LMBRD1: variants seen among roughly 807,000 people sequenced by gnomAD.
LMBRD1 encodes the protein LMBR1 domain containing 1.
LMBRD1 carries 64 observed loss-of-function variants against 74.8 expected under a neutral mutation model. The observed-to-expected ratio is 0.86, with a 90% CI of 0.70 to 1.05. LMBRD1 has a LOEUF of 1.05. Ranked by LOEUF, LMBRD1 falls within the 50% of genes least tolerant of loss-of-function variation. The pLI is 0.00. For synonymous variants in LMBRD1, 204 were observed against 216.3 expected (o/e 0.94, Z 0.50); for missense variants, 652 against 645.9 (o/e 1.01, Z -0.10).
rs1471057525 is a variant in LMBRD1 at position 69,780,366 on chromosome 6, C to T, written c.307+128G>A. The T allele has an allele frequency of 4.6e-5, 33 of 721,732 alleles. 1 individual carries two copies. The highest frequency in any genetic ancestry group is 1.9e-5 in the Admixed American group (1 of 51,832). 44.7% of individuals were successfully genotyped at this position (721,732 alleles called of 1,614,324 possible). A position where few individuals can be genotyped will look rare whatever the true frequency, so the allele number is the denominator to read the frequency against. On this transcript the variant is annotated intron_variant, in intron 3 of 15. Transcript: ENST00000649934. ...AACTCCCTGCTCCTTAAAACTACTCCATGTGTGTCCATGTCATTTTTTTCT... is the reference window on the plus strand; with the variant it reads ...AACTCCCTGCTCCTTAAAACTACTCTATGTGTGTCCATGTCATTTTTTTCT...
At chr6:69,678,098 C>T (rs922496093) in intron 14 of LMBRD1, among the ~76,000 whole-genome samples, 1 of 152,044 alleles carries the variant, frequency 6.6e-6, no homozygotes, top group Non-Finnish European at 1.5e-5. Context: ...ACTAAATAGC[C>T]TGGTGTTTTC....
At chr6:69,713,561 T>A in intron 9 of LMBRD1, 84 bp downstream of exon 9, 1 of 1,411,916 alleles carries the variant, frequency 7.1e-7, no homozygotes, top group Non-Finnish European at 9.9e-7. Flanking sequence ...CTGTAATGCC[T>A]CAAAAGGAGA....
intron 14 of LMBRD1, among the ~76,000 whole-genome samples, chr6:69,679,838 T>C (rs1168574711): frequency 6.6e-6 from 1 of 152,102 alleles, no homozygotes; most frequent in South Asian, 2.1e-4. Context: ...AAAGATCATA[T>C]GACATATACA....
intron 8 of LMBRD1, among the ~76,000 whole-genome samples, chr6:69,715,927 A>C (rs1341385828): frequency 6.6e-6 from 1 of 152,060 alleles, no homozygotes; most frequent in Non-Finnish European, 1.5e-5. Context: ...AGCTCCCTCC[A>C]TGTCCCTGCA....
rs1161260536 is a variant in LMBRD1 at position 69,705,816 on chromosome 6, ATGT to A, written c.916-3866_916-3864del. 1.3e-5 allele frequency: 16 copies of A among 1,226,406 alleles called. No individual in the cohort carries two copies. In the East Asian group the frequency reaches 3.3e-4, roughly 25 times the overall value. The allele number at this position is 1,226,406 out of a possible 1,614,324, so 76.0% of individuals were successfully genotyped here. A position where few individuals can be genotyped will look rare whatever the true frequency, so the allele number is the denominator to read the frequency against. ...CTGCATCTTCCTCCACTGCTACTAA[ATGT>A]TGTTCACTAATATGCACTGGCCCTG... is the stretch of plus-strand genomic sequence containing the variant. On this transcript the variant is annotated intron_variant, in intron 9 of 15. Transcript: ENST00000649934.
chr6:69,783,864 A>C (rs895613898), intron 2 of LMBRD1, among the ~76,000 whole-genome samples: 1 of 152,200 alleles, frequency 6.6e-6, no homozygotes, highest in African/African-American at 2.4e-5. Context: ...AATCTCAAAA[A>C]AAAATATTAA....
At chr6:69,723,340 C>T (rs908437594) in intron 7 of LMBRD1, among the ~76,000 whole-genome samples, 1 of 152,140 alleles carries the variant, frequency 6.6e-6, no homozygotes, top group Non-Finnish European at 1.5e-5. Flanking sequence ...ATTTAAAGAA[C>T]ATTTCATCCA....
At chr6:69,762,655 A>G (rs1402944584) in intron 3 of LMBRD1, among the ~76,000 whole-genome samples, 2 of 152,100 alleles carry the variant, frequency 1.3e-5, no homozygotes, top group African/African-American at 4.8e-5. Flanking sequence ...CCTAACTCCC[A>G]ATGTGATAGT....
At chr6:69,716,660 T>C (rs1582081406) in intron 8 of LMBRD1, among the ~76,000 whole-genome samples, 1 of 152,072 alleles carries the variant, frequency 6.6e-6, no homozygotes, top group Non-Finnish European at 1.5e-5. Context: ...TATAAATATA[T>C]CTCATTCCTT....
intron 1 of LMBRD1, among the ~76,000 whole-genome samples, chr6:69,791,795 A>T (rs1342350994): frequency 6.6e-6 from 1 of 152,162 alleles, no homozygotes; most frequent in Non-Finnish European, 1.5e-5. Context: ...AGCCCTTGAG[A>T]CAGGAATAAT....
intron 7 of LMBRD1, among the ~76,000 whole-genome samples, chr6:69,726,664 G>A (rs987327724): frequency 2.0e-5 from 3 of 151,826 alleles, no homozygotes; most frequent in African/African-American, 7.3e-5. Context: ...TTATTTGTAG[G>A]ATCTAAAAAT....
intron 2 of LMBRD1, among the ~76,000 whole-genome samples, chr6:69,788,446 T>C (rs1766006212): frequency 1.3e-5 from 2 of 152,162 alleles, no homozygotes; most frequent in South Asian, 2.1e-4. Flanking sequence ...AAAAAGAATA[T>C]CCAGAAATTC....
intron 4 of LMBRD1, among the ~76,000 whole-genome samples, chr6:69,749,930 A>T (rs1167485400): frequency 1.1e-4 from 9 of 84,070 alleles, no homozygotes; most frequent in African/African-American, 3.7e-4. Flanking sequence ...ACACATATAC[A>T]TACTCATATA....
intron 13 of LMBRD1, among the ~76,000 whole-genome samples, 173 bp downstream of exon 13, chr6:69,698,870 A>G (rs1476335784): frequency 6.6e-6 from 1 of 151,952 alleles, no homozygotes; most frequent in Non-Finnish European, 1.5e-5. Flanking sequence ...AAAAAACAAC[A>G]GTATGAAACA....
chr6:69,732,446 C>G (rs191190479), intron 7 of LMBRD1, among the ~76,000 whole-genome samples: 1 of 152,090 alleles, frequency 6.6e-6, no homozygotes, highest in Non-Finnish European at 1.5e-5. Flanking sequence ...TGTTGTACTT[C>G]CCAGTCTCTA....
At chr6:69,738,203 G>A (rs1767016973) in intron 6 of LMBRD1, among the ~76,000 whole-genome samples, 188 bp from the exon 7 acceptor site, 1 of 152,070 alleles carries the variant, frequency 6.6e-6, no homozygotes, top group Non-Finnish European at 1.5e-5. Context: ...TTTAAAAATT[G>A]ATTTGTAAAA....
chr6:69,716,060 T>C (rs9354881), intron 8 of LMBRD1, among the ~76,000 whole-genome samples: 51,311 of 152,082 alleles, frequency 0.34, 9,721 homozygotes, highest in East Asian at 0.54. Flanking sequence ...CTATTGTGAA[T>C]AGTGCTGCAG....
rs562862398 is a variant in LMBRD1 at position 69,675,466 on chromosome 6, A to G, written c.*692T>C. 1.3e-5 allele frequency among the ~76,000 whole-genome samples: 2 copies of G among 152,282 alleles called. No homozygotes were observed. The highest frequency in any genetic ancestry group is 4.8e-5 in the African/African-American group (2 of 41,558). ...TTTTCCAGGATTAATTATTCTTGAC[A>G]ATACCCCTATTTATATTGAAATACA... On this transcript the variant is annotated 3_prime_UTR_variant, in exon 16 of 16. Transcript: ENST00000649934.
chr6:69,705,675 T>C (rs1371639846), intron 9 of LMBRD1: 5 of 890,178 alleles, frequency 5.6e-6, no homozygotes, highest in Non-Finnish European at 7.4e-6. Flanking sequence ...ATCATCATCA[T>C]CTTCATCAGT....
Sources: gnomAD v4.1 joint callset for allele counts (sites outside exome capture counted in the v4.1 genomes callset) on GRCh38, gnomAD v4.1.1 for gene constraint, MANE v1.5 for transcripts, NCBI Gene and HGNC (gene_info 2026-07-23, HGNC 2026-07-21) for gene names.